Variants in PDE3A observed in about 807,000 individuals in gnomAD.
PDE3A encodes the protein phosphodiesterase 3A.
PDE3A carries 43 observed loss-of-function variants against 98.3 expected under a neutral mutation model. The ratio of observed to expected loss-of-function variants is 0.44; its 90% CI spans 0.34 to 0.56. The LOEUF is 0.56. Among genes scored for constraint, PDE3A ranks in the 20% least tolerant of loss-of-function variants. PDE3A has a pLI of 0.01. For synonymous variants in PDE3A, 663 were observed against 567.9 expected (o/e 1.17, Z -2.38); for missense variants, 1,427 against 1,440.7 (o/e 0.99, Z 0.15).
At chr12:20,551,462 C>T in intron 1 of PDE3A, 1 of 624,984 alleles carries the variant, frequency 1.6e-6, no homozygotes, top group Non-Finnish European at 2.8e-6. Context: ...TTTCTCGATT[C>T]CGTGGGTGGT....
At chr12:20,589,762 G>A (rs866483232) in intron 2 of PDE3A, among the ~76,000 whole-genome samples, 2 of 151,678 alleles carry the variant, frequency 1.3e-5, no homozygotes, top group African/African-American at 2.4e-5. Flanking sequence ...CCAGCTACTC[G>A]GGAGGCTGAG....
At chr12:20,650,672 C>T (rs1357452283) in intron 14 of PDE3A, 72 bp downstream of exon 14, 5 of 871,002 alleles carry the variant, frequency 5.7e-6, no homozygotes, top group Admixed American at 2.3e-5. Context: ...AAGCTTCTAA[C>T]AGCTATGAAA....
intron 1 of PDE3A, among the ~76,000 whole-genome samples, chr12:20,455,031 C>A (rs1006829603): frequency 2.0e-5 from 3 of 152,150 alleles, no homozygotes; most frequent in Non-Finnish European, 4.4e-5. Context: ...GTTTTTAGCT[C>A]TTTGTGGAAT....
At chr12:20,624,789 C>T (rs1006737208) in intron 5 of PDE3A, among the ~76,000 whole-genome samples, 1 of 152,138 alleles carries the variant, frequency 6.6e-6, no homozygotes, top group African/African-American at 2.4e-5. Flanking sequence ...TCAGATGGGC[C>T]CTTCTGCTTT....
chr12:20,471,244 C>T (rs572322541), intron 1 of PDE3A, among the ~76,000 whole-genome samples: 7 of 152,156 alleles, frequency 4.6e-5, no homozygotes, highest in South Asian at 2.1e-4. Flanking sequence ...TAGGGTAGAG[C>T]GCAACCAAAT....
intron 4 of PDE3A, among the ~76,000 whole-genome samples, chr12:20,619,491 C>T (rs1020316520): frequency 2.6e-5 from 4 of 151,970 alleles, no homozygotes; most frequent in African/African-American, 9.7e-5. Context: ...GAACTGCAAA[C>T]ATTTGGGCCA....
chr12:20,580,909 T>TA (rs1036242278), intron 2 of PDE3A, among the ~76,000 whole-genome samples: 5 of 152,156 alleles, frequency 3.3e-5, no homozygotes, highest in African/African-American at 1.2e-4. Flanking sequence ...AAAACTACTG[T>TA]AGCACATAAA....
intron 4 of PDE3A, among the ~76,000 whole-genome samples, chr12:20,620,271 G>A (rs1009130834): frequency 6.6e-6 from 1 of 151,806 alleles, no homozygotes; most frequent in Non-Finnish European, 1.5e-5. Context: ...TGCTTACATT[G>A]CCAATCTAAG....
chr12:20,566,513 G>C (rs73076973), intron 2 of PDE3A, among the ~76,000 whole-genome samples: 19,102 of 151,394 alleles, frequency 0.13, 1,361 homozygotes, highest in East Asian at 0.3. Context: ...CACTTAAAAG[G>C]GTATTTTTTT....
chr12:20,452,773 C>T (rs1377203459), intron 1 of PDE3A, among the ~76,000 whole-genome samples: 1 of 152,168 alleles, frequency 6.6e-6, no homozygotes, highest in Non-Finnish European at 1.5e-5. Context: ...TAATGATAGA[C>T]ATCAGCTATA....
At chr12:20,659,300 T>A (rs1014478775) in intron 15 of PDE3A, among the ~76,000 whole-genome samples, 1 of 152,152 alleles carries the variant, frequency 6.6e-6, no homozygotes, top group African/African-American at 2.4e-5. Context: ...GTTTTAAAAA[T>A]TAATTTTATT....
At chr12:20,626,307 A>G (rs1944263135) in intron 5 of PDE3A, among the ~76,000 whole-genome samples, 1 of 151,698 alleles carries the variant, frequency 6.6e-6, no homozygotes, top group South Asian at 2.1e-4. Flanking sequence ...ATGCATGCAC[A>G]TCCTAATTCT....
intron 15 of PDE3A, among the ~76,000 whole-genome samples, chr12:20,655,444 C>G (rs1451818176): frequency 6.6e-6 from 1 of 152,050 alleles, no homozygotes; most frequent in Non-Finnish European, 1.5e-5. Flanking sequence ...ACAGAGGCAG[C>G]CGGGAACGAA....
At chr12:20,370,945 A>G (rs1210011688) in intron 1 of PDE3A, among the ~76,000 whole-genome samples, 1 of 152,244 alleles carries the variant, frequency 6.6e-6, no homozygotes, top group Non-Finnish European at 1.5e-5. Context: ...GGAATTGTTC[A>G]AAATTGTCAA....
At chr12:20,586,863 T>C (rs1187430171) in intron 2 of PDE3A, among the ~76,000 whole-genome samples, 2 of 152,170 alleles carry the variant, frequency 1.3e-5, no homozygotes, top group Non-Finnish European at 2.9e-5. Flanking sequence ...GCACTGATAG[T>C]GGACTAAGTA....
chr12:20,679,291 A>T (rs920510506), intron 15 of PDE3A, among the ~76,000 whole-genome samples: 1 of 152,186 alleles, frequency 6.6e-6, no homozygotes, highest in Non-Finnish European at 1.5e-5. Context: ...TCTGTTGCCC[A>T]GGCTGGAGTG....
chr12:20,486,035 T>G (rs2121024717), intron 1 of PDE3A, among the ~76,000 whole-genome samples: 1 of 152,354 alleles, frequency 6.6e-6, no homozygotes, highest in African/African-American at 2.4e-5. Flanking sequence ...AGTTGTTCTT[T>G]TAGAGCACAT....
intron 1 of PDE3A, chr12:20,450,169 C>A: frequency 2.9e-6 from 1 of 343,552 alleles, no homozygotes; most frequent in Admixed American, 4.4e-5. Context: ...TTTTGTTGAG[C>A]TTGATGCTTT....
chr12:20,544,524 T>G (rs965433944), intron 1 of PDE3A, among the ~76,000 whole-genome samples: 2 of 151,910 alleles, frequency 1.3e-5, no homozygotes, highest in African/African-American at 4.8e-5. Flanking sequence ...ATGAGTTCCT[T>G]GAAGACAAAT....
Sources: gnomAD v4.1 joint callset for allele counts (sites outside exome capture counted in the v4.1 genomes callset) on GRCh38, gnomAD v4.1.1 for gene constraint, MANE v1.5 for transcripts, NCBI Gene and HGNC (gene_info 2026-07-23, HGNC 2026-07-21) for gene names.